The following ARB2A variants were observed in gnomAD, a reference collection of about 807,000 sequenced individuals.
ARB2A encodes ARB2 cotranscriptional regulator A.
the ARB2A span, among the ~76,000 whole-genome samples, chr5:94,103,795 CAAAA>C: frequency 8.8e-6 from 1 of 113,338 alleles, no homozygotes; most frequent in African/African-American, 3.2e-5. Flanking sequence ...TCAACAGATT[CAAAA>C]AAAAAAAAAA....
At chr5:93,824,339 A>T in the ARB2A span, 1 of 1,047,684 alleles carries the variant, frequency 9.5e-7, no homozygotes, top group African/African-American at 1.6e-5. Flanking sequence ...CAATTAAATT[A>T]TATGCTTGCA....
chr5:93,979,473 G>T, the ARB2A span, among the ~76,000 whole-genome samples: 1 of 151,928 alleles, frequency 6.6e-6, no homozygotes, highest in African/African-American at 2.4e-5. Flanking sequence ...TTTACAAAAT[G>T]GGAAAATTTA....
chr5:93,683,354 T>C, the ARB2A span: 1 of 1,603,918 alleles, frequency 6.2e-7, no homozygotes, highest in East Asian at 2.2e-5. Context: ...TGACTCTGCA[T>C]CTTCCTCCAC....
the ARB2A span, among the ~76,000 whole-genome samples, chr5:93,940,934 A>G: frequency 2.6e-4 from 39 of 152,266 alleles, no homozygotes; most frequent in Middle Eastern, 3.4e-3. Context: ...AATGGAAATA[A>G]AAGAGTTTTT....
chr5:93,848,199 A>G, the ARB2A span, among the ~76,000 whole-genome samples: 1 of 152,146 alleles, frequency 6.6e-6, no homozygotes, highest in African/African-American at 2.4e-5. Flanking sequence ...CCTGGTCAAC[A>G]TGGTGAAACC....
At chr5:94,065,064 C>T in the ARB2A span, among the ~76,000 whole-genome samples, 8 of 152,140 alleles carry the variant, frequency 5.3e-5, no homozygotes, top group African/African-American at 1.9e-4. Context: ...AATAAGCCCT[C>T]GCATATCAAT....
At chr5:94,042,205 T>G in the ARB2A span, among the ~76,000 whole-genome samples, 4 of 152,182 alleles carry the variant, frequency 2.6e-5, no homozygotes, top group Admixed American at 2.6e-4. Flanking sequence ...GTGAATATAT[T>G]GGCTAAAGTA....
At chr5:94,035,196 C>CATATACAT in the ARB2A span, among the ~76,000 whole-genome samples, 1 of 129,630 alleles carries the variant, frequency 7.7e-6, no homozygotes, top group Non-Finnish European at 1.6e-5. Context: ...GGATCTTATA[C>CATATACAT]ATACATATAC....
the ARB2A span, among the ~76,000 whole-genome samples, chr5:93,785,889 T>C: frequency 6.6e-6 from 1 of 152,194 alleles, no homozygotes; most frequent in African/African-American, 2.4e-5. Flanking sequence ...TCTTCTAGAT[T>C]TTATTTTACA....
At chr5:94,029,842 T>G in the ARB2A span, among the ~76,000 whole-genome samples, 1 of 152,240 alleles carries the variant, frequency 6.6e-6, no homozygotes, top group African/African-American at 2.4e-5. Context: ...TATAATGGCG[T>G]ATTAATCTGT....
the ARB2A span, among the ~76,000 whole-genome samples, chr5:94,071,686 G>A: frequency 6.6e-6 from 1 of 152,200 alleles, no homozygotes; most frequent in East Asian, 1.9e-4. Flanking sequence ...CTAATAAAAT[G>A]GCTAAAACTA....
chr5:93,950,902 C>G, the ARB2A span, among the ~76,000 whole-genome samples: 1 of 150,552 alleles, frequency 6.6e-6, no homozygotes, highest in Non-Finnish European at 1.5e-5. Flanking sequence ...TTAAATCATT[C>G]CACAGCACTC....
chr5:93,857,693 C>T, the ARB2A span, among the ~76,000 whole-genome samples: 32 of 152,336 alleles, frequency 2.1e-4, no homozygotes, highest in Middle Eastern at 0.014. Flanking sequence ...TCTCTCACCC[C>T]TTTCTTTGAC....
At chr5:93,869,664 T>C in the ARB2A span, among the ~76,000 whole-genome samples, 11 of 152,154 alleles carry the variant, frequency 7.2e-5, no homozygotes, top group Non-Finnish European at 1.6e-4. Flanking sequence ...CATTCCACCA[T>C]TGTGATTTGT....
chr5:93,973,831 G>A, the ARB2A span, among the ~76,000 whole-genome samples: 1 of 152,268 alleles, frequency 6.6e-6, no homozygotes, highest in South Asian at 2.1e-4. Context: ...ACAAACAAAA[G>A]AGAAATACAG....
At chr5:93,937,768 T>C in the ARB2A span, among the ~76,000 whole-genome samples, 2 of 152,278 alleles carry the variant, frequency 1.3e-5, no homozygotes, top group East Asian at 3.9e-4. Context: ...AAGTGCCTTA[T>C]ATAAAATGGT....
the ARB2A span, among the ~76,000 whole-genome samples, chr5:93,845,740 C>T: frequency 6.6e-6 from 1 of 151,952 alleles, no homozygotes; most frequent in Admixed American, 6.6e-5. Context: ...ACCTTTGGAA[C>T]GTGAGTGTCT....
the ARB2A span, among the ~76,000 whole-genome samples, chr5:93,926,819 C>A: frequency 2.7e-5 from 4 of 150,128 alleles, no homozygotes; most frequent in Non-Finnish European, 5.9e-5. Context: ...TTAGCCCAAG[C>A]AGGGCCATGA....
chr5:94,038,041 A>G, the ARB2A span, among the ~76,000 whole-genome samples: 1 of 152,122 alleles, frequency 6.6e-6, no homozygotes, highest in Non-Finnish European at 1.5e-5. Context: ...TTTTAAACAC[A>G]TTGACAATTT....
Sources: gnomAD v4.1 joint callset for allele counts (sites outside exome capture counted in the v4.1 genomes callset) on GRCh38, gnomAD v4.1.1 for gene constraint, MANE v1.5 for transcripts, NCBI Gene and HGNC (gene_info 2026-07-23, HGNC 2026-07-21) for gene names.